NEDD4L: variants seen among roughly 807,000 people sequenced by gnomAD.
NEDD4L encodes E3 ubiquitin-protein ligase NEDD4-like.
Under a neutral mutation model 148.9 loss-of-function variants are expected in NEDD4L, and 54 were observed. The ratio of observed to expected loss-of-function variants is 0.36; its 90% CI spans 0.29 to 0.45. The LOEUF (loss-of-function observed/expected upper bound fraction) is 0.45, where lower values mean the gene tolerates loss of function less well. Ranked by LOEUF, NEDD4L falls within the 20% of genes least tolerant of loss-of-function variation. The probability of loss-of-function intolerance (pLI) is 1.00; values close to 1 mark genes in which losing one functional copy is unlikely to be tolerated. For missense variants in NEDD4L, 856 were observed against 1,233.8 expected (o/e 0.69, Z 4.59); for synonymous variants, 433 against 440.7 (o/e 0.98, Z 0.22).
intron 1 of NEDD4L, among the ~76,000 whole-genome samples, chr18:58,162,486 A>G (rs377169139): frequency 6.6e-6 from 1 of 151,630 alleles, no homozygotes; most frequent in Admixed American, 6.6e-5. Context: ...TCAGCCATAA[A>G]TGTTCCTCTC....
chr18:58,194,977 G>A (rs964095859), intron 2 of NEDD4L, among the ~76,000 whole-genome samples: 3 of 152,246 alleles, frequency 2.0e-5, no homozygotes, highest in Admixed American at 6.5e-5. Context: ...TGGATGTCAC[G>A]AAGCTAGTGG....
At chr18:58,319,704 T>C (rs1388266130) in intron 6 of NEDD4L, among the ~76,000 whole-genome samples, 2 of 152,220 alleles carry the variant, frequency 1.3e-5, no homozygotes, top group Non-Finnish European at 2.9e-5. Flanking sequence ...CTTGTAGTTA[T>C]CTATAAGATC....
chr18:58,114,915 T>C (rs566691352), intron 1 of NEDD4L, among the ~76,000 whole-genome samples: 1 of 152,338 alleles, frequency 6.6e-6, no homozygotes, highest in South Asian at 2.1e-4. Flanking sequence ...CCCTTTGCAC[T>C]TTCAGGAGCC....
intron 2 of NEDD4L, among the ~76,000 whole-genome samples, chr18:58,215,203 G>A (rs2043046481): frequency 6.6e-6 from 1 of 152,196 alleles, no homozygotes; most frequent in Admixed American, 6.5e-5. Flanking sequence ...CATTTACAAT[G>A]TTCATAGACG....
chr18:58,271,820 C>T (rs984044148), intron 5 of NEDD4L, among the ~76,000 whole-genome samples: 6 of 152,136 alleles, frequency 3.9e-5, no homozygotes, highest in Non-Finnish European at 7.4e-5. Flanking sequence ...TATTAAAGTG[C>T]TCCTTTTATT....
chr18:58,046,432 T>G (rs2081590379), intron 1 of NEDD4L: 2 of 152,296 alleles, frequency 1.3e-5, no homozygotes, highest in Admixed American at 6.5e-5. Flanking sequence ...ACAGCTGCAT[T>G]TCATCCTAGG....
At chr18:58,172,443 T>C (rs1426262730) in intron 2 of NEDD4L, among the ~76,000 whole-genome samples, 1 of 152,206 alleles carries the variant, frequency 6.6e-6, no homozygotes, top group Non-Finnish European at 1.5e-5. Context: ...TTTCAGCAGC[T>C]CCTGTTTCTT....
At chr18:58,303,480 A>G (rs1216490830) in intron 5 of NEDD4L, among the ~76,000 whole-genome samples, 1 of 152,072 alleles carries the variant, frequency 6.6e-6, no homozygotes, top group Non-Finnish European at 1.5e-5. Context: ...TATTCTGGAA[A>G]CTGTGTAACT....
intron 17 of NEDD4L, 50 bp downstream of exon 17, chr18:58,349,664 A>T (rs4149612): frequency 7.1e-7 from 1 of 1,415,252 alleles, no homozygotes; most frequent in Non-Finnish European, 1.0e-6. Context: ...GTGTTCCTTT[A>T]TCCGCTCAAT....
chr18:58,188,535 G>A (rs912816472), intron 2 of NEDD4L, among the ~76,000 whole-genome samples: 7 of 152,338 alleles, frequency 4.6e-5, no homozygotes, highest in Admixed American at 2.6e-4. Flanking sequence ...TAGCCTTGGG[G>A]CTCCTAATTC....
At chr18:58,193,765 G>A (rs74777247) in intron 2 of NEDD4L, 8,240 of 152,304 alleles carry the variant, frequency 0.054, 716 homozygotes, top group African/African-American at 0.18. Context: ...CTGATTTCCA[G>A]TATATTCTCT....
chr18:58,207,294 C>G (rs2042071715), intron 2 of NEDD4L, among the ~76,000 whole-genome samples: 1 of 150,310 alleles, frequency 6.7e-6, no homozygotes, highest in Admixed American at 6.7e-5. Context: ...AGAGGGAAAT[C>G]AACCAAATAC....
intron 30 of NEDD4L, among the ~76,000 whole-genome samples, chr18:58,395,878 T>C (rs564381537): frequency 8.5e-5 from 13 of 152,310 alleles, no homozygotes; most frequent in Non-Finnish European, 1.8e-4. Flanking sequence ...GTTCCAAGGG[T>C]TTGGAAATCT....
chr18:58,045,121 C>G (rs963476812), intron 1 of NEDD4L: 8 of 399,000 alleles, frequency 2.0e-5, no homozygotes, highest in African/African-American at 1.6e-4. Context: ...GCTGGAGACC[C>G]GGGACTGCGG....
chr18:58,342,427 A>G (rs1374442543), intron 15 of NEDD4L, among the ~76,000 whole-genome samples: 1 of 152,210 alleles, frequency 6.6e-6, no homozygotes, highest in Non-Finnish European at 1.5e-5. Flanking sequence ...CCCTGGGTCC[A>G]GATGCTGATA....
At chr18:58,045,189 G>T (rs1053970816) in intron 1 of NEDD4L, 1 of 398,616 alleles carries the variant, frequency 2.5e-6, no homozygotes, top group Admixed American at 4.4e-5. Context: ...GGATCAGCAG[G>T]CGCTCAGAAG....
intron 1 of NEDD4L, among the ~76,000 whole-genome samples, chr18:58,066,034 T>C (rs1029587208): frequency 1.3e-5 from 2 of 152,218 alleles, no homozygotes; most frequent in African/African-American, 4.8e-5. Flanking sequence ...TCTTTAATAT[T>C]CATATCTCAT....
intron 1 of NEDD4L, chr18:58,046,631 A>C (rs951077982): frequency 6.6e-6 from 1 of 152,164 alleles, no homozygotes; most frequent in South Asian, 2.1e-4. Flanking sequence ...TTTTGTCCAC[A>C]GGAGTCACTA....
intron 1 of NEDD4L, among the ~76,000 whole-genome samples, chr18:58,121,299 C>T (rs1482077554): frequency 6.6e-6 from 1 of 152,086 alleles, no homozygotes; most frequent in Non-Finnish European, 1.5e-5. Flanking sequence ...TTTGGGGGCC[C>T]GGTTTTCCTC....
Sources: allele counts gnomAD v4.1 joint callset (sites outside exome capture counted in the v4.1 genomes callset), GRCh38; gene constraint gnomAD v4.1.1; transcripts MANE v1.5; gene names NCBI Gene and HGNC (gene_info 2026-07-23, HGNC 2026-07-21).